The following MTMR8 variants were observed in gnomAD, a reference collection of about 807,000 sequenced individuals.
MTMR8 encodes myotubularin related protein 8.
A neutral mutation model predicts 39.3 loss-of-function variants in MTMR8; 65 were observed. That is an observed-to-expected ratio of 1.65 (90% confidence interval 1.35 to 2.03). MTMR8 has a LOEUF of 2.03. Among genes scored for constraint, MTMR8 ranks in the 30% most tolerant of loss-of-function variants. The pLI is 0.00. For missense variants in MTMR8, 777 were observed against 538.9 expected (o/e 1.44, Z -4.37); for synonymous variants, 245 against 185.2 (o/e 1.32, Z -2.62).
intron 1 of MTMR8, among the ~76,000 whole-genome samples, chrX:64,360,937 CA>C (rs1923763036): frequency 1.8e-5 from 2 of 110,752 alleles, no homozygotes; most frequent in South Asian, 3.7e-4. Flanking sequence ...AATTTAAAAC[CA>C]GAGAATCCTC....
rs1923624254 is a variant in MTMR8, at chrX:64,356,329, G to A, written c.157C>T (p.His53Tyr). Residue 53 changes from histidine (H) to tyrosine (Y), a missense_variant, in exon 3 of 14, where the codon CAT (histidine) becomes TAT (tyrosine). By Grantham distance (83) the His-to-Tyr change is moderately conservative (BLOSUM62 2). Coordinates refer to ENST00000374852, the MANE Select transcript of MTMR8 (RefSeq NM_017677.4). The stretch of plus-strand genomic sequence containing the variant: ...AACTTCTCCACAGTGGCAATGTGAT[G>A]GAGTGCAATCTGAAAAACATAAAAG... Reference protein sequence around the residue: ...AARKETWIALHHIATVEKLPI... With the variant: ...AARKETWIALYHIATVEKLPI... 8.3e-7 allele frequency: 1 copy of A among 1,201,631 alleles called. No homozygotes were observed. Among genetic ancestry groups the A allele is most frequent in the Non-Finnish European group, 1.1e-6 (1 of 891,849 alleles).
At chrX:64,298,609 C>A (rs1921719851) in intron 12 of MTMR8, among the ~76,000 whole-genome samples, 1 of 94,352 alleles carries the variant, frequency 1.1e-5, no homozygotes. Flanking sequence ...GAACTTCCAA[C>A]ACTATGTTGA....
chrX:64,308,703 AT>A (rs1922205054), intron 12 of MTMR8, among the ~76,000 whole-genome samples: 1 of 111,569 alleles, frequency 9.0e-6, no homozygotes, highest in Non-Finnish European at 1.9e-5. Flanking sequence ...TATACGTGGC[AT>A]GGCGTATACA....
chrX:64,309,363 G>C (rs192210273), intron 12 of MTMR8, among the ~76,000 whole-genome samples: 13 of 111,365 alleles, frequency 1.2e-4, no homozygotes, highest in African/African-American at 3.9e-4. Flanking sequence ...GTGTGCTAAT[G>C]TAAATGGTAT....
intron 12 of MTMR8, among the ~76,000 whole-genome samples, chrX:64,277,953 T>C: frequency 9.1e-6 from 1 of 109,770 alleles, no homozygotes; most frequent in African/African-American, 3.3e-5. Context: ...TCTAATCTTG[T>C]CTTCCTGCTA....
At chrX:64,306,823 C>T (rs1299281794) in intron 12 of MTMR8, 2 of 111,440 alleles carry the variant, frequency 1.8e-5, no homozygotes, top group African/African-American at 3.3e-5. Flanking sequence ...TCCCAGGAAC[C>T]AGGCTGCCTG....
intron 12 of MTMR8, among the ~76,000 whole-genome samples, chrX:64,279,426 G>A (rs1202997455): frequency 8.9e-6 from 1 of 111,925 alleles, no homozygotes; most frequent in Non-Finnish European, 1.9e-5. Flanking sequence ...ACTTAAGCAT[G>A]CAGGTAAGAG....
chrX:64,287,585 C>G (rs1298678372), intron 12 of MTMR8, among the ~76,000 whole-genome samples: 2 of 110,942 alleles, frequency 1.8e-5, no homozygotes, highest in Non-Finnish European at 3.8e-5. Flanking sequence ...GCTACAGTAA[C>G]CAAAACAGCA....
rs950681207 is a variant in MTMR8 at position 64,305,850 on chromosome X, T to C, written c.1481+22922A>G. 33 of 298,220 alleles carry C rather than the reference T, an allele frequency of 1.1e-4. No homozygotes were observed. In the East Asian group the frequency reaches 1.9e-3, roughly 18 times the overall value. 24.6% of individuals were successfully genotyped at this position (298,220 alleles called of 1,213,427 possible). A position where few individuals can be genotyped will look rare whatever the true frequency, so the allele number is the denominator to read the frequency against. ...CATAACCCAGGCTGGGCATGGTGGC[T>C]CACACTTGGAATGCTAGCACTTTGG... On this transcript the variant is annotated intron_variant, in intron 12 of 13. Transcript: ENST00000374852.
chrX:64,311,186 C>T (rs540221155), intron 12 of MTMR8, among the ~76,000 whole-genome samples: 5 of 111,503 alleles, frequency 4.5e-5, no homozygotes, highest in African/African-American at 9.8e-5. Context: ...TTTTAATGTT[C>T]GCCATTCTAA....
intron 12 of MTMR8, among the ~76,000 whole-genome samples, chrX:64,320,216 G>A (rs1377633712): frequency 9.0e-6 from 1 of 110,920 alleles, no homozygotes; most frequent in African/African-American, 3.3e-5. Context: ...ATCTGCTATT[G>A]GTGTACAAGA....
At chrX:64,285,777 C>T (rs755098648) in intron 12 of MTMR8, among the ~76,000 whole-genome samples, 33 of 111,042 alleles carry the variant, frequency 3.0e-4, no homozygotes, top group Admixed American at 6.7e-4. Context: ...TTGAAACCAA[C>T]GAGAACAAAG....
intron 9 of MTMR8, 112 bp downstream of exon 9, chrX:64,337,156 T>A: frequency 6.2e-6 from 5 of 812,904 alleles, no homozygotes; most frequent in Non-Finnish European, 7.0e-6. Context: ...AAAAGCTATT[T>A]TTGTAGACTT....
At chrX:64,306,405 C>T (rs985276427) in intron 12 of MTMR8, 1 of 165,351 alleles carries the variant, frequency 6.0e-6, no homozygotes, top group Non-Finnish European at 1.3e-5. Context: ...AGGTAGTATT[C>T]CAGATTTTAT....
At chrX:64,373,198 C>G (rs1183847558) in intron 1 of MTMR8, among the ~76,000 whole-genome samples, 1 of 111,866 alleles carries the variant, frequency 8.9e-6, no homozygotes, top group African/African-American at 3.3e-5. Flanking sequence ...TAAAGGCAGG[C>G]AGTGAGAAGC....
At chrX:64,381,785 G>A (rs1924433267) in intron 1 of MTMR8, among the ~76,000 whole-genome samples, 1 of 111,371 alleles carries the variant, frequency 9.0e-6, no homozygotes, top group Non-Finnish European at 1.9e-5. Context: ...TTTGTATAAG[G>A]TGTAAGGAAG....
intron 12 of MTMR8, among the ~76,000 whole-genome samples, chrX:64,320,332 C>G (rs1351110196): frequency 1.8e-5 from 2 of 111,092 alleles, no homozygotes; most frequent in Non-Finnish European, 3.8e-5. Context: ...CTGCCATCCC[C>G]TATTCCCCAG....
intron 10 of MTMR8, among the ~76,000 whole-genome samples, chrX:64,335,236 A>G (rs1303538046): frequency 9.1e-6 from 1 of 109,933 alleles, no homozygotes; most frequent in African/African-American, 3.3e-5. Flanking sequence ...GGTTCAAGTG[A>G]TTCTCCTACC....
chrX:64,369,171 G>A (rs1408734060), intron 1 of MTMR8, among the ~76,000 whole-genome samples: 1 of 112,056 alleles, frequency 8.9e-6, no homozygotes. Context: ...TGATGGGAGT[G>A]TAAACTAGTT....
Sources: allele counts gnomAD v4.1 joint callset (sites outside exome capture counted in the v4.1 genomes callset), GRCh38; gene constraint gnomAD v4.1.1; transcripts MANE v1.5; gene names NCBI Gene and HGNC (gene_info 2026-07-23, HGNC 2026-07-21).